CD2AP: variants seen among roughly 807,000 people sequenced by gnomAD.
CD2AP encodes the protein CD2 associated protein, also known as CD2-associated protein.
A neutral mutation model predicts 85.1 loss-of-function variants in CD2AP; 46 were observed. The observed-to-expected ratio is 0.54, with a 90% CI of 0.43 to 0.69. CD2AP has a LOEUF of 0.69. Among genes scored for constraint, CD2AP ranks in the 30% least tolerant of loss-of-function variants. The probability of loss-of-function intolerance (pLI) is 0.00; values close to 1 mark genes in which losing one functional copy is unlikely to be tolerated. For missense variants in CD2AP, 769 were observed against 729.5 expected, an observed-to-expected ratio of 1.05 and a Z score of -0.62; for synonymous variants, 255 against 252.9, an observed-to-expected ratio of 1.01 and a Z score of -0.08.
Position 47,624,559 on chromosome 6 carries a change from C to G in CD2AP, c.*332C>G. 1 of 255,442 alleles carries G rather than the reference C, an allele frequency of 3.9e-6. No homozygotes were observed. Among genetic ancestry groups the G allele is most frequent in the Non-Finnish European group, 7.4e-6 (1 of 134,796 alleles). The allele number at this position is 255,442 out of a possible 1,614,324, so 15.8% of individuals were successfully genotyped here. On this transcript the variant is annotated 3_prime_UTR_variant, in exon 18 of 18. Transcript: ENST00000359314. ...TGTATTATTTTTAAAGAGATCTATA[C>G]TATAAATATGGTGATATATTTACAA... is the stretch of plus-strand genomic sequence containing the variant.
chr6:47,561,464 A>G (rs554647090), intron 5 of CD2AP, among the ~76,000 whole-genome samples: 1 of 152,182 alleles, frequency 6.6e-6, no homozygotes, highest in African/African-American at 2.4e-5. Context: ...GCTACCTATC[A>G]AGGCAAACTT....
chr6:47,512,372 A>T (rs1766341544), intron 2 of CD2AP, among the ~76,000 whole-genome samples: 1 of 152,156 alleles, frequency 6.6e-6, no homozygotes, highest in South Asian at 2.1e-4. Flanking sequence ...GGTGCATGTT[A>T]TTTTGTAAAT....
intron 1 of CD2AP, among the ~76,000 whole-genome samples, chr6:47,478,899 T>G (rs546554154): frequency 2.6e-5 from 4 of 152,290 alleles, no homozygotes; most frequent in African/African-American, 7.2e-5. Context: ...GTTTCCTGTT[T>G]GGAGTTAGAC....
intron 13 of CD2AP, among the ~76,000 whole-genome samples, chr6:47,602,811 G>T (rs373926800): frequency 8.3e-4 from 126 of 151,670 alleles, no homozygotes; most frequent in African/African-American, 2.7e-3. Flanking sequence ...GAGGTGAGAG[G>T]GTTTCTTAAA....
chr6:47,604,508 A>G lies in CD2AP; in HGVS notation c.1418-1657A>G, dbSNP rs143304621. On this transcript the variant is annotated intron_variant, in intron 13 of 17. Coordinates refer to ENST00000359314, the MANE Select transcript of CD2AP (RefSeq NM_012120.3). The stretch of plus-strand genomic sequence containing the variant: ...TTTTCTGTTTCTTTTTCTTTCTGCA[A>G]GTTGCTTAAATATGCATTTGAAAAT... 9.3e-4 allele frequency among the ~76,000 whole-genome samples: 141 copies of G among 151,892 alleles called. 3 individuals are homozygous for G. In the East Asian group the frequency reaches 0.023, roughly 25 times the overall value.
intron 17 of CD2AP, among the ~76,000 whole-genome samples, 172 bp from the exon 18 acceptor site, chr6:47,624,014 T>C (rs13194341): frequency 1.1e-4 from 17 of 152,116 alleles, no homozygotes; most frequent in African/African-American, 3.9e-4. Context: ...GGAACTTGCA[T>C]TGTACTGTTG....
At chr6:47,575,226 T>C (rs1768273606) in intron 6 of CD2AP, among the ~76,000 whole-genome samples, 1 of 152,174 alleles carries the variant, frequency 6.6e-6, no homozygotes, top group African/African-American at 2.4e-5. Context: ...GGAATTCTCA[T>C]GGTTTTTGGG....
At chr6:47,618,356 T>TAGTTTTATAAGAGATGTATATATA (rs1769654249) in intron 17 of CD2AP, among the ~76,000 whole-genome samples, 1 of 152,192 alleles carries the variant, frequency 6.6e-6, no homozygotes, top group Non-Finnish European at 1.5e-5. Context: ...GCAAGACTTG[T>TAGTTTTATAAGAGATGTATATATA]AGTTTTATAA....
intron 2 of CD2AP, among the ~76,000 whole-genome samples, chr6:47,512,311 C>T (rs565936798): frequency 2.0e-5 from 3 of 152,272 alleles, no homozygotes; most frequent in African/African-American, 4.8e-5. Flanking sequence ...CACTGCACTC[C>T]AGCCTGGGTT....
At chr6:47,599,628 A>G (rs1035080162) in intron 13 of CD2AP, among the ~76,000 whole-genome samples, 185 bp downstream of exon 13, 1 of 152,130 alleles carries the variant, frequency 6.6e-6, no homozygotes, top group Non-Finnish European at 1.5e-5. Flanking sequence ...TAAAATTTTT[A>G]TGGTCCTTAC....
chr6:47,584,865 G>C (rs1216878071), intron 11 of CD2AP, among the ~76,000 whole-genome samples: 1 of 151,996 alleles, frequency 6.6e-6, no homozygotes, highest in East Asian at 1.9e-4. Context: ...AGAACCACAT[G>C]TAAGAGGTAT....
Position 47,540,778 on chromosome 6 carries a change from A to G in CD2AP, c.320-3828A>G, listed in dbSNP as rs574472490. On this transcript the variant is annotated intron_variant, in intron 3 of 17. Transcript: ENST00000359314. ...TTCATGAAAAAGAAACCACATTTTA[A>G]AAAAGGTCTGAAATTATCAGAAAGA... 2.0e-5 allele frequency among the ~76,000 whole-genome samples: 3 copies of G among 152,352 alleles called. No individual in the cohort carries two copies. In the South Asian group the frequency reaches 6.2e-4, roughly 32 times the overall value.
At chr6:47,546,731 G>GATTATCACCT (rs1767374274) in intron 4 of CD2AP, among the ~76,000 whole-genome samples, 1 of 152,198 alleles carries the variant, frequency 6.6e-6, no homozygotes, top group Non-Finnish European at 1.5e-5. Context: ...ATTGTCATCA[G>GATTATCACCT]GTTATCTAAA....
intron 17 of CD2AP, among the ~76,000 whole-genome samples, chr6:47,618,473 T>TA (rs1157419163): frequency 1.3e-5 from 2 of 152,316 alleles, no homozygotes; most frequent in East Asian, 3.9e-4. Flanking sequence ...TGTTTTTTTT[T>TA]ATCTTTGCTC....
At chr6:47,514,455 G>A (rs1357447455) in intron 2 of CD2AP, among the ~76,000 whole-genome samples, 2 of 151,996 alleles carry the variant, frequency 1.3e-5, no homozygotes, top group African/African-American at 2.4e-5. Context: ...TTTATTTGTG[G>A]GTATAACTTT....
intron 5 of CD2AP, among the ~76,000 whole-genome samples, chr6:47,562,069 T>C (rs1415831889): frequency 1.3e-5 from 2 of 152,248 alleles, no homozygotes; most frequent in Non-Finnish European, 2.9e-5. Flanking sequence ...CGGCTGAGTT[T>C]GCTTTACTTT....
intron 8 of CD2AP, among the ~76,000 whole-genome samples, chr6:47,578,628 C>T (rs949624695): frequency 9.2e-5 from 14 of 151,776 alleles, no homozygotes; most frequent in Non-Finnish European, 2.1e-4. Flanking sequence ...TCTCCACCTT[C>T]CTCTCTTTTC....
chr6:47,532,541 A>G (rs1766916164), intron 2 of CD2AP, among the ~76,000 whole-genome samples: 1 of 151,840 alleles, frequency 6.6e-6, no homozygotes, highest in South Asian at 2.1e-4. Flanking sequence ...TTAAGATTCC[A>G]TCTTTCCTCA....
intron 1 of CD2AP, among the ~76,000 whole-genome samples, chr6:47,478,720 A>G (rs532328197): frequency 1.3e-5 from 2 of 152,180 alleles, no homozygotes; most frequent in Non-Finnish European, 2.9e-5. Flanking sequence ...AATTTGTTCA[A>G]AAACTTTTTT....
Sources: allele counts gnomAD v4.1 joint callset (sites outside exome capture counted in the v4.1 genomes callset), GRCh38; gene constraint gnomAD v4.1.1; transcripts MANE v1.5; gene names NCBI Gene and HGNC (gene_info 2026-07-23, HGNC 2026-07-21).